The following OLFML2A variants were observed in gnomAD, a reference collection of about 807,000 sequenced individuals.
OLFML2A encodes the protein olfactomedin like 2A, also known as olfactomedin-like protein 2A.
Under a neutral mutation model 60.9 loss-of-function variants are expected in OLFML2A, and 47 were observed. That is an observed-to-expected ratio of 0.77 (90% CI 0.61 to 0.98). The LOEUF (loss-of-function observed/expected upper bound fraction) is 0.98. Ranked by LOEUF, OLFML2A falls within the 50% of genes least tolerant of loss-of-function variation. The pLI is 0.00. For synonymous variants in OLFML2A, 372 were observed against 375.0 expected (o/e 0.99, Z 0.09); for missense variants, 922 against 879.8 (o/e 1.05, Z -0.61).
rs1842015446 is a variant in OLFML2A at position 124,811,219 on chromosome 9, A to G, written c.*807A>G. 1 of 152,660 alleles carries G rather than the reference A, an allele frequency of 6.6e-6. No homozygotes were observed. The highest frequency in any genetic ancestry group is 6.5e-5 in the Admixed American group (1 of 15,272). The allele number at this position is 152,660 out of a possible 1,614,324, so 9.5% of individuals were successfully genotyped here. A position where few individuals can be genotyped will look rare whatever the true frequency, so the allele number is the denominator to read the frequency against. ...TCATTTGTTTCTGCAGCAGCAGCTG[A>G]GAAGGCAGCCGGCAGCTCTGCCAGG... is the stretch of plus-strand genomic sequence containing the variant. On this transcript the variant is annotated 3_prime_UTR_variant, in exon 8 of 8. Coordinates refer to ENST00000373580, the MANE Select transcript of OLFML2A (RefSeq NM_182487.4).
chr9:124,802,750 G>A (rs1231929547), intron 5 of OLFML2A, among the ~76,000 whole-genome samples: 2 of 152,206 alleles, frequency 1.3e-5, no homozygotes, highest in Non-Finnish European at 2.9e-5. Flanking sequence ...CCCACAGCAG[G>A]GCCTGTGCAA....
chr9:124,787,515 T>G lies in OLFML2A; in HGVS notation c.354+277T>G, dbSNP rs188602731. Among the ~76,000 whole-genome samples, 390 of 151,320 alleles carry G rather than the reference T, an allele frequency of 2.6e-3. 1 individual carries two copies. The highest frequency in any genetic ancestry group is 9.1e-3 in the African/African-American group (373 of 41,010). On this transcript the variant is annotated intron_variant, in intron 2 of 7. Coordinates refer to ENST00000373580, the MANE Select transcript of OLFML2A (RefSeq NM_182487.4). ...AGCTATACTTTACATTTTGTGGCAG[T>G]GGGTTGTTTTTATTTTATTTTATTT...
At position 124,810,137 on chromosome 9, in the gene OLFML2A, C is replaced by A; in HGVS notation, c.1684C>A (p.Arg562=). Residue 562 remains arginine (R), a synonymous_variant, in exon 8 of 8, where the codon CGG becomes AGG. Coordinates refer to ENST00000373580, the MANE Select transcript of OLFML2A (RefSeq NM_182487.4). ...RLDPGDLSVH[R]ETTWKTRLRR... is the part of the protein sequence containing the mutation. ...GGACCCCGGCGATCTCTCCGTGCAC[C>A]GGGAGACCACGTGGAAGACACGGCT... is the stretch of plus-strand genomic sequence containing the variant. 2.5e-6 allele frequency: 4 copies of A among 1,613,864 alleles called. No individual in the cohort carries two copies. The highest frequency in any genetic ancestry group is 3.4e-6 in the Non-Finnish European group (4 of 1,180,016).
At position 124,795,105 on chromosome 9, in the gene OLFML2A, G is replaced by A. The variant is rs779136629; in HGVS notation, c.436G>A (p.Ala146Thr). ...MKVHAYVHKV[A>T]SQMNTLEESI... ...GGTGCACGCCTACGTCCACAAGGTG[G>A]CCTCCCAGATGAACACACTGGAAGA... Residue 146 changes from alanine to threonine, a missense_variant, in exon 3 of 8, where the codon GCC becomes ACC. Ala to Thr is a moderately conservative substitution (Grantham distance 58, BLOSUM62 0). Transcript: ENST00000373580. 5 of 1,604,796 alleles carry A rather than the reference G, an allele frequency of 3.1e-6. No individual in the cohort carries two copies. The highest frequency in any genetic ancestry group is 2.6e-6 in the Non-Finnish European group (3 of 1,174,640).
At chr9:124,787,486 A>G (rs1217499086) in intron 2 of OLFML2A, among the ~76,000 whole-genome samples, 1 of 150,546 alleles carries the variant, frequency 6.6e-6, no homozygotes, top group African/African-American at 2.5e-5. Context: ...ATCCATTGGC[A>G]CCTAGCTATA....
Position 124,810,557 on chromosome 9 carries a change from T to C in OLFML2A, c.*145T>C. 1.3e-6 allele frequency: 1 copy of C among 763,460 alleles called. No individual in the cohort carries two copies. Among genetic ancestry groups the C allele is most frequent in the Non-Finnish European group, 2.1e-6 (1 of 486,014 alleles). The allele number at this position is 763,460 out of a possible 1,614,324, so 47.3% of individuals were successfully genotyped here. ...CATGAGGTGGTCACCAGGATTGAGCTTCCTCAGCACCCAGTGGGTAATACT... is the reference window on the plus strand; with the variant it reads ...CATGAGGTGGTCACCAGGATTGAGCCTCCTCAGCACCCAGTGGGTAATACT... On this transcript the variant is annotated 3_prime_UTR_variant, in exon 8 of 8. Coordinates refer to ENST00000373580, the MANE Select transcript of OLFML2A (RefSeq NM_182487.4).
rs778604850 is a variant in OLFML2A at position 124,807,432 on chromosome 9, G to A, written c.1169-349G>A. Among the ~76,000 whole-genome samples, 128 of 151,620 alleles carry A rather than the reference G, an allele frequency of 8.4e-4. 1 individual carries two copies. The highest frequency in any genetic ancestry group is 1.5e-3 in the Non-Finnish European group (103 of 67,934). On this transcript the variant is annotated intron_variant, in intron 6 of 7. Transcript: ENST00000373580. ...CTGAGTAGCTACGATTACAGGCACC[G>A]CCTACCATGCCCAGCTAATTTTTGT... is the stretch of plus-strand genomic sequence containing the variant.
intron 5 of OLFML2A, among the ~76,000 whole-genome samples, chr9:124,802,308 G>T (rs10818989): frequency 0.38 from 57,933 of 152,008 alleles, 13,540 homozygotes; most frequent in Admixed American, 0.55. Context: ...ACTAAGACCC[G>T]CCCCAGATGG....
chr9:124,787,502 C>T (rs758749418), intron 2 of OLFML2A, among the ~76,000 whole-genome samples: 3 of 134,568 alleles, frequency 2.2e-5, no homozygotes, highest in Non-Finnish European at 3.3e-5. Flanking sequence ...CTATACTTTA[C>T]ATTTTGTGGC....
Position 124,801,664 on chromosome 9 carries a change from G to C in OLFML2A, c.919+1G>C. The C allele has an allele frequency of 6.2e-7, 1 of 1,612,362 alleles. No homozygotes were observed. ...CAGGAGGTGACCGAGGCGGTGGCAGGTGAGTAGGAGGGGAATGGGGACCCT... is the reference window on the plus strand; with the variant it reads ...CAGGAGGTGACCGAGGCGGTGGCAGCTGAGTAGGAGGGGAATGGGGACCCT... On this transcript the variant is annotated splice_donor_variant, in intron 5 of 7. Coordinates refer to ENST00000373580, the MANE Select transcript of OLFML2A (RefSeq NM_182487.4). LOFTEE classifies it high-confidence loss of function.
rs377560457 is a variant in OLFML2A, at chr9:124,810,351, G to C, written c.1898G>C (p.Arg633Pro). The change falls in exon 8 of 8, where the codon CGG becomes CCG. Residue 633 changes from arginine to proline, a missense_variant. Arg to Pro is a moderately radical substitution (Grantham distance 103, BLOSUM62 -2). Coordinates refer to ENST00000373580, the MANE Select transcript of OLFML2A (RefSeq NM_182487.4). Reference protein sequence around the residue: ...TTQIDYNPKERVLYAWDNGHQ... With the variant: ...TTQIDYNPKEPVLYAWDNGHQ... The stretch of plus-strand genomic sequence containing the variant: ...CAGATCGACTACAACCCCAAGGAGC[G>C]GGTGCTGTACGCCTGGGACAATGGC... The C allele has an allele frequency of 6.2e-7, 1 of 1,603,784 alleles. No homozygotes were observed. Among genetic ancestry groups the C allele is most frequent in the Non-Finnish European group, 8.5e-7 (1 of 1,179,930 alleles).
At chr9:124,785,588 G>A (rs1375251639) in intron 1 of OLFML2A, among the ~76,000 whole-genome samples, 1 of 151,310 alleles carries the variant, frequency 6.6e-6, no homozygotes, top group African/African-American at 2.4e-5. Flanking sequence ...GTTTAGTAGA[G>A]ACGGGGTTTC....
At chr9:124,804,421 A>C in intron 6 of OLFML2A, 79 bp downstream of exon 6, 1 of 1,373,022 alleles carries the variant, frequency 7.3e-7, no homozygotes, top group Non-Finnish European at 9.8e-7. Context: ...TGAAGCCCTC[A>C]AGTTAAGAAA....
At chr9:124,803,129 G>T (rs180844083) in intron 5 of OLFML2A, among the ~76,000 whole-genome samples, 1 of 151,962 alleles carries the variant, frequency 6.6e-6, no homozygotes, top group African/African-American at 2.4e-5. Context: ...AGCTGGTCTC[G>T]AACTCCTGAC....
intron 2 of OLFML2A, among the ~76,000 whole-genome samples, chr9:124,792,724 C>A (rs1456063045): frequency 1.3e-5 from 2 of 152,188 alleles, no homozygotes; most frequent in Non-Finnish European, 2.9e-5. Context: ...TCCCATGTAG[C>A]CCCTAGGAGG....
chr9:124,784,943 G>GTTTTTTTTGTTTTTTTTTTTTT (rs1841429970), intron 1 of OLFML2A, among the ~76,000 whole-genome samples: 2 of 69,592 alleles, frequency 2.9e-5, no homozygotes, highest in African/African-American at 1.3e-4. Flanking sequence ...CCTTTTACTT[G>GTTTTTTTTGTTTTTTTTTTTTT]TTTTTTTTTT....
Position 124,810,092 on chromosome 9 carries a change from G to T in OLFML2A, c.1639G>T (p.Val547Leu), listed in dbSNP as rs765365527. 6.2e-7 allele frequency: 1 copy of T among 1,613,804 alleles called. No homozygotes were observed. The highest frequency in any genetic ancestry group is 8.5e-7 in the Non-Finnish European group (1 of 1,180,008). Residue 547 changes from valine to leucine, a missense_variant, in exon 8 of 8, where the codon GTG (valine) becomes TTG (leucine). Transcript: ENST00000373580. ...VDDRDEAQPEVIVLSRLDPGD... is the reference protein window; with the variant it reads ...VDDRDEAQPELIVLSRLDPGD... The stretch of plus-strand genomic sequence containing the variant: ...CGACCGCGATGAGGCCCAGCCCGAG[G>T]TGATCGTCCTGAGTCGCTTGGACCC...
At position 124,810,133 on chromosome 9, in the gene OLFML2A, G is replaced by T. The variant is rs375300859; in HGVS notation, c.1680G>T (p.Val560=). Residue 560 remains valine, a synonymous_variant, in exon 8 of 8, where the codon GTG becomes GTT. Coordinates refer to ENST00000373580, the MANE Select transcript of OLFML2A (RefSeq NM_182487.4). ...LSRLDPGDLS[V]HRETTWKTRL... ...GCTTGGACCCCGGCGATCTCTCCGTGCACCGGGAGACCACGTGGAAGACAC... is the reference window on the plus strand; with the variant it reads ...GCTTGGACCCCGGCGATCTCTCCGTTCACCGGGAGACCACGTGGAAGACAC... 81 of 1,613,742 alleles carry T rather than the reference G, an allele frequency of 5.0e-5. No homozygotes were observed. The highest frequency in any genetic ancestry group is 6.6e-5 in the Non-Finnish European group (78 of 1,180,018).
rs1480180288 is a variant in OLFML2A, at chr9:124,810,604, G to A, written c.*192G>A. 2.3e-5 allele frequency: 14 copies of A among 608,510 alleles called. No homozygotes were observed. The highest frequency in any genetic ancestry group is 5.5e-5 in the East Asian group (2 of 36,106). 37.7% of individuals were successfully genotyped at this position (608,510 alleles called of 1,614,324 possible). On this transcript the variant is annotated 3_prime_UTR_variant, in exon 8 of 8. Coordinates refer to ENST00000373580, the MANE Select transcript of OLFML2A (RefSeq NM_182487.4). ...TACTTGCTTCCACTTGCAGAGCACC[G>A]TGCCAAGCACTTCCCACACACTTAC...
Sources: gnomAD v4.1 joint callset for allele counts (sites outside exome capture counted in the v4.1 genomes callset) on GRCh38, gnomAD v4.1.1 for gene constraint, MANE v1.5 for transcripts, NCBI Gene and HGNC (gene_info 2026-07-23, HGNC 2026-07-21) for gene names.